The following RICTOR variants were observed in gnomAD, a reference collection of about 807,000 sequenced individuals.
The protein encoded by RICTOR is RPTOR independent companion of MTOR complex 2, also known as rapamycin-insensitive companion of mTOR.
RICTOR carries 49 observed loss-of-function variants against 214.9 expected under a neutral mutation model. The observed-to-expected ratio is 0.23, with a 90% CI of 0.18 to 0.29. The LOEUF (loss-of-function observed/expected upper bound fraction) is 0.29. RICTOR is among the 10% of genes least tolerant of loss of function. RICTOR has a pLI of 1.00. For synonymous variants in RICTOR, 717 were observed against 711.3 expected (o/e 1.01, Z -0.13); for missense variants, 1,625 against 2,047.0 (o/e 0.79, Z 3.98).
chr5:38,992,438 A>C (rs1185358759), intron 6 of RICTOR, among the ~76,000 whole-genome samples: 1 of 152,182 alleles, frequency 6.6e-6, no homozygotes, highest in African/African-American at 2.4e-5. Context: ...TATTCTGTAA[A>C]GAGCTGGCTG....
At position 38,991,084 on chromosome 5, in the gene RICTOR, G is replaced by C. The variant is rs1752740903; in HGVS notation, c.457-9C>G. On this transcript the variant is annotated splice_polypyrimidine_tract_variant and intron_variant, in intron 6 of 37. Transcript: ENST00000357387. ...GCATTCACAGTAATCATCTGTAACA[G>C]AAGGAATCAGAAAAAGAAGTTACTT... 5.1e-6 allele frequency: 8 copies of C among 1,574,394 alleles called. No homozygotes were observed. Among genetic ancestry groups the C allele is most frequent in the Non-Finnish European group, 6.9e-6 (8 of 1,157,778 alleles).
At chr5:39,037,031 A>G (rs932991573) in intron 2 of RICTOR, among the ~76,000 whole-genome samples, 1 of 152,136 alleles carries the variant, frequency 6.6e-6, no homozygotes. Flanking sequence ...TCAGCACCAC[A>G]CCACACCTAC....
At chr5:39,017,408 T>G (rs934745951) in intron 3 of RICTOR, among the ~76,000 whole-genome samples, 1 of 152,106 alleles carries the variant, frequency 6.6e-6, no homozygotes, top group African/African-American at 2.4e-5. Flanking sequence ...TCTTAAAGAT[T>G]TGACATTATC....
intron 2 of RICTOR, among the ~76,000 whole-genome samples, chr5:39,055,417 T>TCCC (rs34660388): frequency 0.015 from 1,591 of 109,396 alleles, 50 homozygotes; most frequent in African/African-American, 0.057. Context: ...CTCTGACAAT[T>TCCC]CCCCCCCCCC....
rs376146913 is a variant in RICTOR, at chr5:38,958,781, A to G, written c.2229T>C (p.Asn743=). Residue 743 remains asparagine (N), a synonymous_variant, in exon 23 of 38, where the codon AAT becomes AAC. Coordinates refer to ENST00000357387, the MANE Select transcript of RICTOR (RefSeq NM_152756.5). ...TTCCCCAATTATTAAAGAATTCAAC[A>G]TTAGCTCTCAATAATACCCTTAAAT... ...TKHLRVLLRA[N]VEFFNNWGIE... 98 of 1,610,290 alleles carry G rather than the reference A, an allele frequency of 6.1e-5. 2 individuals are homozygous for G. In the East Asian group the frequency reaches 6.5e-4, roughly 11 times the overall value.
At chr5:38,989,488 C>T (rs1752427143) in intron 7 of RICTOR, among the ~76,000 whole-genome samples, 1 of 152,010 alleles carries the variant, frequency 6.6e-6, no homozygotes, top group African/African-American at 2.4e-5. Flanking sequence ...GCAACAAAAG[C>T]CAAAATTGAC....
intron 12 of RICTOR, 38 bp from the exon 13 acceptor site, chr5:38,967,465 A>C: frequency 7.1e-7 from 1 of 1,411,228 alleles, no homozygotes; most frequent in Non-Finnish European, 9.9e-7. Context: ...AAGATTAGAT[A>C]TCACTGAAAC....
intron 2 of RICTOR, among the ~76,000 whole-genome samples, chr5:39,066,847 T>C (rs1758940412): frequency 6.6e-6 from 1 of 152,232 alleles, no homozygotes; most frequent in Non-Finnish European, 1.5e-5. Flanking sequence ...CTCCAGTTCC[T>C]ACTAAGTTCT....
Position 38,952,262 on chromosome 5 carries a change from T to A in RICTOR, c.3061A>T (p.Thr1021Ser). 1 of 1,613,008 alleles carries A rather than the reference T, an allele frequency of 6.2e-7. No homozygotes were observed. The highest frequency in any genetic ancestry group is 8.5e-7 in the Non-Finnish European group (1 of 1,179,242). ...GTTGACTCCGAGTTCAAACTTAGAGTGCTTGGGATAGATGAAAGTTCATTA... is the reference window on the plus strand; with the variant it reads ...GTTGACTCCGAGTTCAAACTTAGAGAGCTTGGGATAGATGAAAGTTCATTA... Reference protein sequence around the residue: ...LCNELSSIPSTLSLNSESTSS... With the variant: ...LCNELSSIPSSLSLNSESTSS... Residue 1021 changes from threonine (T) to serine (S), a missense_variant, in exon 30 of 38, where the codon ACT becomes TCT. Around this residue, in one of 5 missense-constraint regions of RICTOR, gnomAD observed 1,214 missense variants for 1,470.5 expected, o/e 0.83. Transcript: ENST00000357387.
intron 2 of RICTOR, among the ~76,000 whole-genome samples, chr5:39,066,318 T>C (rs990494007): frequency 6.6e-6 from 1 of 152,222 alleles, no homozygotes; most frequent in African/African-American, 2.4e-5. Flanking sequence ...CAGGGAGCAG[T>C]GTCTTGAGGC....
At chr5:38,955,109 C>T (rs746084499) in intron 26 of RICTOR, among the ~76,000 whole-genome samples, 5 of 151,904 alleles carry the variant, frequency 3.3e-5, no homozygotes, top group Admixed American at 6.6e-5. Context: ...AAATTCCACA[C>T]ATTAGTATTT....
intron 8 of RICTOR, among the ~76,000 whole-genome samples, chr5:38,980,300 T>G (rs1438048085): frequency 1.3e-5 from 2 of 152,184 alleles, no homozygotes; most frequent in African/African-American, 4.8e-5. Context: ...AATTTCCAAC[T>G]GAATGTCAGG....
chr5:39,034,065 GA>G (rs1199543670), intron 2 of RICTOR, among the ~76,000 whole-genome samples: 1 of 151,808 alleles, frequency 6.6e-6, no homozygotes, highest in Non-Finnish European at 1.5e-5. Flanking sequence ...ATTAACGGAA[GA>G]AAAAAAAGTC....
chr5:38,978,604 T>C lies in RICTOR; in HGVS notation c.800A>G (p.Asp267Gly). The change falls in exon 9 of 38, where the codon GAT becomes GGT. Residue 267 changes from aspartate to glycine, a missense_variant. By Grantham distance (94) the Asp-to-Gly change is moderately conservative. Coordinates refer to ENST00000357387, the MANE Select transcript of RICTOR (RefSeq NM_152756.5). ...YTDFHYRHSPDTAEGQLKEDR... is the reference protein window; with the variant it reads ...YTDFHYRHSPGTAEGQLKEDR... The stretch of plus-strand genomic sequence containing the variant: ...TTACTTGAGCTGTCCTTCAGCTGTA[T>C]CTGGACTATGTCTGTAGTGAAAATC... The C allele has an allele frequency of 6.3e-7, 1 of 1,575,644 alleles. No homozygotes were observed. The highest frequency in any genetic ancestry group is 1.1e-5 in the South Asian group (1 of 88,368).
At chr5:39,028,319 A>G (rs955080738) in intron 2 of RICTOR, among the ~76,000 whole-genome samples, 2 of 150,016 alleles carry the variant, frequency 1.3e-5, no homozygotes, top group African/African-American at 2.5e-5. Context: ...AGTAGCTGGG[A>G]CTACAGGTGC....
At chr5:38,999,034 A>C (rs1166265307) in intron 5 of RICTOR, among the ~76,000 whole-genome samples, 1 of 144,950 alleles carries the variant, frequency 6.9e-6, no homozygotes, top group Non-Finnish European at 1.5e-5. Flanking sequence ...AGGCAAAAAA[A>C]AAAAAAAAAA....
At chr5:38,976,956 G>C (rs181294697) in intron 9 of RICTOR, among the ~76,000 whole-genome samples, 1 of 152,300 alleles carries the variant, frequency 6.6e-6, no homozygotes, top group East Asian at 1.9e-4. Context: ...CTGTGACTAT[G>C]TTTATGTTAT....
At chr5:38,985,329 T>C (rs1003741836) in intron 7 of RICTOR, among the ~76,000 whole-genome samples, 1 of 152,196 alleles carries the variant, frequency 6.6e-6, no homozygotes, top group Non-Finnish European at 1.5e-5. Flanking sequence ...GTAAACCCTA[T>C]GTAAATGGTT....
intron 3 of RICTOR, among the ~76,000 whole-genome samples, chr5:39,010,828 A>G (rs1754450082): frequency 6.6e-6 from 1 of 152,218 alleles, no homozygotes; most frequent in South Asian, 2.1e-4. Flanking sequence ...TAAAACATTC[A>G]GTTTTATATA....
Sources: allele counts gnomAD v4.1 joint callset (sites outside exome capture counted in the v4.1 genomes callset), GRCh38; gene constraint gnomAD v4.1.1; regional missense constraint gnomAD v4.1.1; transcripts MANE v1.5; gene names NCBI Gene and HGNC (gene_info 2026-07-23, HGNC 2026-07-21).